LRRC1: variants seen among roughly 807,000 people sequenced by gnomAD.
LRRC1 encodes the protein leucine rich repeat containing 1.
Under a neutral mutation model 69.9 loss-of-function variants are expected in LRRC1, and 28 were observed. That is an observed-to-expected ratio of 0.40 (90% CI 0.30 to 0.55). LRRC1 has a LOEUF of 0.55. Among genes scored for constraint, LRRC1 ranks in the 20% least tolerant of loss-of-function variants. The probability of loss-of-function intolerance (pLI) is 0.47; values close to 1 mark genes in which losing one functional copy is unlikely to be tolerated. For synonymous variants in LRRC1, 236 were observed against 240.2 expected (o/e 0.98, Z 0.16); for missense variants, 498 against 609.0 (o/e 0.82, Z 1.92).
At chr6:53,826,691 G>GT (rs1765266390) in intron 1 of LRRC1, among the ~76,000 whole-genome samples, 1 of 151,724 alleles carries the variant, frequency 6.6e-6, no homozygotes, top group African/African-American at 2.4e-5. Flanking sequence ...TTTTCATTAG[G>GT]TCCCCCTCCA....
At chr6:53,842,055 A>C in intron 1 of LRRC1, 55 bp from the exon 2 acceptor site, 1 of 1,157,018 alleles carries the variant, frequency 8.6e-7, no homozygotes, top group South Asian at 1.3e-5. Context: ...TAGTAGCCCA[A>C]AAGTTTATGA....
chr6:53,871,526 G>T (rs992454629), intron 2 of LRRC1, among the ~76,000 whole-genome samples: 2 of 152,110 alleles, frequency 1.3e-5, no homozygotes, highest in East Asian at 1.9e-4. Context: ...CTGTATTCTG[G>T]ATATTAACAA....
At chr6:53,880,678 C>G (rs2127430609) in intron 3 of LRRC1, among the ~76,000 whole-genome samples, 1 of 152,306 alleles carries the variant, frequency 6.6e-6, no homozygotes, top group East Asian at 1.9e-4. Context: ...CTCTGGGCTC[C>G]CGTAATGCTC....
intron 1 of LRRC1, among the ~76,000 whole-genome samples, chr6:53,821,552 T>C (rs997273900): frequency 3.3e-5 from 5 of 152,236 alleles, no homozygotes; most frequent in Non-Finnish European, 7.3e-5. Context: ...GGGCCTCCTC[T>C]GCACAATGAG....
In LRRC1 at chr6:53,923,333, T is replaced by A. The variant is rs1285136819; in HGVS notation, c.*540T>A. ...CTTGAAAACGGTACATATTTTAGTA[T>A]TTGTGCAGAAAAACAAGTCCTAAAG... On this transcript the variant is annotated 3_prime_UTR_variant, in exon 14 of 14. Coordinates refer to ENST00000370888, the MANE Select transcript of LRRC1 (RefSeq NM_018214.5). 6.5e-6 allele frequency: 1 copy of A among 152,708 alleles called. No homozygotes were observed. The highest frequency in any genetic ancestry group is 1.5e-5 in the Non-Finnish European group (1 of 68,090). The allele number at this position is 152,708 out of a possible 1,614,324, so 9.5% of individuals were successfully genotyped here.
chr6:53,801,287 A>G (rs535710304), intron 1 of LRRC1, among the ~76,000 whole-genome samples: 48 of 152,312 alleles, frequency 3.2e-4, no homozygotes, highest in African/African-American at 1.1e-3. Context: ...AGTGTCTGCA[A>G]AATTGCATCA....
rs556714111 is a variant in LRRC1 at position 53,909,353 on chromosome 6, C to A, written c.991-4501C>A. Among the ~76,000 whole-genome samples the A allele has an allele frequency of 4.6e-5, 7 of 152,288 alleles. No individual in the cohort carries two copies. In the South Asian group the frequency reaches 1.5e-3, roughly 32 times the overall value. On this transcript the variant is annotated intron_variant, in intron 10 of 13. Transcript: ENST00000370888. ...CCTAACTAGCATTGTCTAACCTGGG[C>A]AGTTTCTTAAATAATCTGTGATACA...
At position 53,919,572 on chromosome 6, in the gene LRRC1, C is replaced by T; in HGVS notation, c.1181C>T (p.Pro394Leu). 1 of 1,613,756 alleles carries T rather than the reference C, an allele frequency of 6.2e-7. No individual in the cohort carries two copies. Among genetic ancestry groups the T allele is most frequent in the Non-Finnish European group, 8.5e-7 (1 of 1,179,936 alleles). ...ALWLSDNQSQ[P>L]LLTFQTDTDY... is the part of the protein sequence containing the mutation. Reference sequence around the variant, plus strand: ...TGGCTATCTGACAACCAGTCCCAGCCCCTGCTTACATTCCAGACAGACACA... The same window carrying T: ...TGGCTATCTGACAACCAGTCCCAGCTCCTGCTTACATTCCAGACAGACACA... The change falls in exon 12 of 14, where the codon CCC becomes CTC. Residue 394 changes from proline (P) to leucine (L), a missense_variant. This residue lies in a region of LRRC1 where 162 missense variants were observed against 162.9 expected (regional missense o/e 0.99). Coordinates refer to ENST00000370888, the MANE Select transcript of LRRC1 (RefSeq NM_018214.5).
intron 9 of LRRC1, among the ~76,000 whole-genome samples, chr6:53,903,614 G>C (rs1379717217): frequency 2.7e-5 from 4 of 149,670 alleles, no homozygotes; most frequent in Non-Finnish European, 4.4e-5. Context: ...TCTATAAATA[G>C]AGTAAGTAAT....
chr6:53,797,580 C>T (rs1288796495), intron 1 of LRRC1, among the ~76,000 whole-genome samples: 3 of 151,956 alleles, frequency 2.0e-5, no homozygotes, highest in African/African-American at 7.3e-5. Flanking sequence ...ACAAGCGCAT[C>T]TGTTTTGTTC....
chr6:53,861,579 A>T (rs1010696683), intron 2 of LRRC1, among the ~76,000 whole-genome samples: 1 of 151,668 alleles, frequency 6.6e-6, no homozygotes, highest in East Asian at 1.9e-4. Context: ...AGCCTCTGGG[A>T]TAACCAGTGG....
chr6:53,864,659 A>G (rs546915244), intron 2 of LRRC1, among the ~76,000 whole-genome samples: 28 of 152,276 alleles, frequency 1.8e-4, no homozygotes, highest in African/African-American at 6.0e-4. Context: ...GAGAGAATGC[A>G]TGCAAAGTGC....
intron 13 of LRRC1, among the ~76,000 whole-genome samples, chr6:53,920,984 T>A (rs1413319004): frequency 6.6e-6 from 1 of 152,136 alleles, no homozygotes; most frequent in Admixed American, 6.5e-5. Flanking sequence ...TTCTTCTTTT[T>A]TGAGACAGAG....
At chr6:53,860,592 T>A (rs1430979071) in intron 2 of LRRC1, among the ~76,000 whole-genome samples, 1 of 152,186 alleles carries the variant, frequency 6.6e-6, no homozygotes, top group Non-Finnish European at 1.5e-5. Flanking sequence ...GGATTTTTTT[T>A]AAGATCAATT....
chr6:53,879,888 G>T (rs1444709940), intron 3 of LRRC1, among the ~76,000 whole-genome samples: 1 of 152,122 alleles, frequency 6.6e-6, no homozygotes, highest in African/African-American at 2.4e-5. Flanking sequence ...CTTGTTACTA[G>T]GATAACTGAA....
intron 1 of LRRC1, among the ~76,000 whole-genome samples, chr6:53,825,101 C>A (rs1167255932): frequency 6.6e-6 from 1 of 152,200 alleles, no homozygotes; most frequent in Non-Finnish European, 1.5e-5. Context: ...TGGGTGTGTT[C>A]CAGTGTGTGT....
Position 53,847,618 on chromosome 6 carries a change from G to C in LRRC1, c.277+5391G>C, listed in dbSNP as rs1013294550. Among the ~76,000 whole-genome samples, 4 of 152,218 alleles carry C rather than the reference G, an allele frequency of 2.6e-5. No individual in the cohort carries two copies. In the East Asian group the frequency reaches 7.7e-4, roughly 29 times the overall value. ...TGCAGACTAAGTGGACTGCCTACCA[G>C]TAGGGACATTGTCTCATCTAAAGCC... On this transcript the variant is annotated intron_variant, in intron 2 of 13. Coordinates refer to ENST00000370888, the MANE Select transcript of LRRC1 (RefSeq NM_018214.5).
At chr6:53,848,819 G>T (rs1476356221) in intron 2 of LRRC1, among the ~76,000 whole-genome samples, 2 of 151,616 alleles carry the variant, frequency 1.3e-5, no homozygotes, top group African/African-American at 4.9e-5. Flanking sequence ...GTGCAGTGGC[G>T]CCATCTTGGC....
intron 2 of LRRC1, among the ~76,000 whole-genome samples, chr6:53,867,708 A>G (rs1298812023): frequency 2.0e-5 from 3 of 152,110 alleles, no homozygotes; most frequent in Non-Finnish European, 2.9e-5. Context: ...AATCCCAAAC[A>G]CTTTAGGAGG....
Sources: gnomAD v4.1 joint callset for allele counts (sites outside exome capture counted in the v4.1 genomes callset) on GRCh38, gnomAD v4.1.1 for gene constraint, gnomAD v4.1.1 regional missense constraint, MANE v1.5 for transcripts, NCBI Gene and HGNC (gene_info 2026-07-23, HGNC 2026-07-21) for gene names.